The following RNF32 variants were observed in gnomAD, a reference collection of about 807,000 sequenced individuals.
RNF32 encodes ring finger protein 32.
In RNF32, 36 loss-of-function variants were observed where a neutral mutation model predicts 41.0. The ratio of observed to expected loss-of-function variants is 0.88; its 90% confidence interval spans 0.67 to 1.16. The LOEUF is 1.16. Among genes scored for constraint, RNF32 ranks in the 50% most tolerant of loss-of-function variants. The pLI is 0.00. For synonymous variants in RNF32, 154 were observed against 160.9 expected (o/e 0.96, Z 0.32); for missense variants, 413 against 436.7 (o/e 0.95, Z 0.48).
chr7:156,659,774 T>G (rs749679239), intron 7 of RNF32: 5 of 659,842 alleles, frequency 7.6e-6, no homozygotes, highest in Admixed American at 6.3e-5. Flanking sequence ...CAATGTGCCT[T>G]GTGTTATCTT....
chr7:156,664,314 A>T (rs1049196802), intron 7 of RNF32, among the ~76,000 whole-genome samples: 4 of 151,702 alleles, frequency 2.6e-5, no homozygotes, highest in African/African-American at 9.7e-5. Context: ...ATACAATATT[A>T]GCCGGGCGTG....
At chr7:156,653,245 C>G (rs1320530386) in intron 3 of RNF32, among the ~76,000 whole-genome samples, 1 of 152,190 alleles carries the variant, frequency 6.6e-6, no homozygotes, top group Non-Finnish European at 1.5e-5. Flanking sequence ...CATTGTGTTA[C>G]AGTTACCTGC....
chr7:156,658,960 G>T (rs955335549), intron 7 of RNF32: 9 of 1,517,362 alleles, frequency 5.9e-6, no homozygotes, highest in African/African-American at 1.4e-5. Context: ...AATAGAAGCT[G>T]CCTATAAAAA....
chr7:156,673,096 G>C (rs1479319117), intron 7 of RNF32, among the ~76,000 whole-genome samples: 2 of 152,174 alleles, frequency 1.3e-5, no homozygotes, highest in African/African-American at 4.8e-5. Context: ...AGATCATATC[G>C]ATCATTTCAT....
At chr7:156,644,470 C>T in intron 2 of RNF32, 29 bp from the exon 3 acceptor site, 1 of 1,565,578 alleles carries the variant, frequency 6.4e-7, no homozygotes, top group Non-Finnish European at 8.8e-7. Context: ...TAATACTCCT[C>T]TAAATATGAC....
intron 2 of RNF32, among the ~76,000 whole-genome samples, 173 bp from the exon 3 acceptor site, chr7:156,644,326 C>T (rs1254286643): frequency 1.3e-5 from 2 of 152,192 alleles, no homozygotes; most frequent in East Asian, 1.9e-4. Flanking sequence ...GTATTGTTAA[C>T]ATAAATGCTG....
intron 7 of RNF32, among the ~76,000 whole-genome samples, chr7:156,674,073 G>A (rs576540841): frequency 3.3e-5 from 5 of 152,140 alleles, no homozygotes; most frequent in Admixed American, 6.5e-5. Context: ...GCTTCAAGCC[G>A]GATTCCATGA....
rs767150856 is a variant in RNF32 at position 156,654,714 on chromosome 7, C to T, written c.413C>T (p.Pro138Leu). The change falls in exon 4 of 9, where the codon CCT becomes CTT. Residue 138 changes from proline (P) to leucine (L), a missense_variant. Physicochemically the swap from Pro to Leu is moderately conservative, Grantham distance 98. Coordinates refer to ENST00000317955, the MANE Select transcript of RNF32 (RefSeq NM_030936.4). ...PICKEEFELR[P>L]QVLLSCSHVF... ...TGTAAAGAAGAATTCGAGCTTCGTC[C>T]TCAGGTGTTTAGCATACGAGGGTGA... The T allele has an allele frequency of 9.9e-6, 16 of 1,613,736 alleles. No homozygotes were observed. Among genetic ancestry groups the T allele is most frequent in the Non-Finnish European group, 1.4e-5 (16 of 1,179,766 alleles).
chr7:156,675,709 G>GCCAC lies in RNF32; in HGVS notation c.700_703dup (p.Arg235ProfsTer12). 1 of 1,584,942 alleles carries GCCAC rather than the reference G, an allele frequency of 6.3e-7. No homozygotes were observed. The highest frequency in any genetic ancestry group is 1.3e-5 in the African/African-American group (1 of 74,770). On this transcript the variant is annotated frameshift_variant, in exon 8 of 9. Transcript: ENST00000317955. LOFTEE classifies it high-confidence loss of function. Reference sequence around the variant, plus strand: ...CCTCCTCCTCAGTTCACAGAAATCAGCCACCGCATCCTGTGCTCATACAAC... The same window carrying GCCAC: ...CCTCCTCCTCAGTTCACAGAAATCAGCCACCCACCGCATCCTGTGCTCATACAAC...
chr7:156,668,521 C>G (rs114480791), intron 7 of RNF32, among the ~76,000 whole-genome samples: 2,751 of 152,306 alleles, frequency 0.018, 84 homozygotes, highest in African/African-American at 0.063. Context: ...TCTTGCCACC[C>G]TGCTTCCCTC....
intron 7 of RNF32, among the ~76,000 whole-genome samples, chr7:156,671,379 G>T (rs1341273178): frequency 6.6e-6 from 1 of 152,118 alleles, no homozygotes; most frequent in Non-Finnish European, 1.5e-5. Context: ...ATACACATAA[G>T]CTCTTTACAG....
In RNF32 at chr7:156,646,165, T is replaced by C. The variant is rs934177308; in HGVS notation, c.274+1408T>C. On this transcript the variant is annotated intron_variant, in intron 3 of 8. Coordinates refer to ENST00000317955, the MANE Select transcript of RNF32 (RefSeq NM_030936.4). ...TAAAAGGAGATGTATTATGCACTTA[T>C]AATTGTAAATGCTGTTTTTAAGGAT... Among the ~76,000 whole-genome samples the C allele has an allele frequency of 5.9e-5, 9 of 152,356 alleles. No individual in the cohort carries two copies. The South Asian group carries it at 1.0e-3, about 18-fold the overall frequency.
intron 7 of RNF32, among the ~76,000 whole-genome samples, chr7:156,667,869 A>G (rs1044636304): frequency 4.6e-5 from 7 of 152,328 alleles, no homozygotes; most frequent in African/African-American, 1.7e-4. Context: ...GACTTTCAGT[A>G]TATTTATTAA....
At position 156,673,757 on chromosome 7, in the gene RNF32, A is replaced by G. The variant is rs889420453; in HGVS notation, c.685-1939A>G. ...AACATCCCAGGGAGAAAGGCAGCTC[A>G]TAGTCTCCACAGCACTCGACCCTGC... On this transcript the variant is annotated intron_variant, in intron 7 of 8. Transcript: ENST00000317955. Among the ~76,000 whole-genome samples, 7 of 152,288 alleles carry G rather than the reference A, an allele frequency of 4.6e-5. No homozygotes were observed. In the East Asian group the frequency reaches 1.2e-3, roughly 25 times the overall value.
intron 7 of RNF32, chr7:156,668,979 TAAGG>T (rs949677335): frequency 9.2e-5 from 14 of 152,236 alleles, no homozygotes; most frequent in African/African-American, 3.1e-4. Context: ...TAATTCCTCT[TAAGG>T]AAGAAAAAAG....
chr7:156,671,552 G>C (rs1317654972), intron 7 of RNF32, among the ~76,000 whole-genome samples: 1 of 152,110 alleles, frequency 6.6e-6, no homozygotes, highest in African/African-American at 2.4e-5. Flanking sequence ...CCATGATGCA[G>C]ATGTCATCAT....
rs1182315602 is a variant in RNF32 at position 156,676,694 on chromosome 7, A to C, written c.*39A>C. The stretch of plus-strand genomic sequence containing the variant: ...GAAAGTTAGGTAATTCTGAGGAAAA[A>C]AGTTTACCATCATTTTGGATGAACT... On this transcript the variant is annotated 3_prime_UTR_variant, in exon 9 of 9. Transcript: ENST00000317955. 6 of 1,512,704 alleles carry C rather than the reference A, an allele frequency of 4.0e-6. No homozygotes were observed. Among genetic ancestry groups the C allele is most frequent in the Non-Finnish European group, 5.5e-6 (6 of 1,092,256 alleles). 93.7% of individuals were successfully genotyped at this position (1,512,704 alleles called of 1,614,324 possible). A position where few individuals can be genotyped will look rare whatever the true frequency, so the allele number is the denominator to read the frequency against.
At chr7:156,663,597 ACT>A (rs2131558711) in intron 7 of RNF32, among the ~76,000 whole-genome samples, 1 of 152,348 alleles carries the variant, frequency 6.6e-6, no homozygotes, top group African/African-American at 2.4e-5. Flanking sequence ...TTACAGGTTA[ACT>A]CTAAAGTTTA....
At chr7:156,655,089 G>T (rs1428457932) in intron 4 of RNF32, among the ~76,000 whole-genome samples, 2 of 147,092 alleles carry the variant, frequency 1.4e-5, no homozygotes, top group African/African-American at 5.0e-5. Flanking sequence ...AGTCAGAAAA[G>T]AAAAAAAAAA....
Sources: allele counts gnomAD v4.1 joint callset (sites outside exome capture counted in the v4.1 genomes callset), GRCh38; gene constraint gnomAD v4.1.1; transcripts MANE v1.5; gene names NCBI Gene and HGNC (gene_info 2026-07-23, HGNC 2026-07-21).